Variants in RUFY1 observed in about 807,000 individuals in gnomAD.
RUFY1 encodes RUN and FYVE domain-containing protein 1.
RUFY1 carries 54 observed loss-of-function variants against 94.6 expected under a neutral mutation model. The ratio of observed to expected loss-of-function variants is 0.57; its 90% CI spans 0.46 to 0.72. The LOEUF (loss-of-function observed/expected upper bound fraction) is 0.72. RUFY1 is among the 30% of genes least tolerant of loss of function. The pLI is 0.00. For synonymous variants in RUFY1, 396 were observed against 347.3 expected (o/e 1.14, Z -1.56); for missense variants, 883 against 883.9 (o/e 1.00, Z 0.01).
intron 11 of RUFY1, among the ~76,000 whole-genome samples, chr5:179,594,016 C>G (rs113216028): frequency 2.0e-5 from 3 of 151,988 alleles, no homozygotes; most frequent in African/African-American, 7.2e-5. Flanking sequence ...TTAAAGACGT[C>G]ATTTAGAGCC....
intron 12 of RUFY1, among the ~76,000 whole-genome samples, chr5:179,595,520 G>C (rs1056768927): frequency 6.6e-5 from 10 of 151,698 alleles, no homozygotes; most frequent in Admixed American, 6.6e-5. Context: ...GGGCAGCTAC[G>C]GTTTCTTTTT....
Position 179,569,434 on chromosome 5 carries a change from A to G in RUFY1, c.828+9A>G, listed in dbSNP as rs11743261. 658,205 of 1,611,774 alleles carry G rather than the reference A, an allele frequency of 0.41. 138,769 individuals are homozygous for G. Among genetic ancestry groups the G allele is most frequent in the East Asian group, 0.71 (31,690 of 44,652 alleles). ...AAGACTTGGATTCTCAGGTAAAATG[A>G]AATTTTGGCTCTAGATGAACACTTT... is the stretch of plus-strand genomic sequence containing the variant. On this transcript the variant is annotated intron_variant, in intron 5 of 17. Coordinates refer to ENST00000319449, the MANE Select transcript of RUFY1 (RefSeq NM_025158.5).
intron 14 of RUFY1, among the ~76,000 whole-genome samples, chr5:179,599,892 G>A (rs1192927519): frequency 6.6e-6 from 1 of 152,238 alleles, no homozygotes; most frequent in Admixed American, 6.5e-5. Flanking sequence ...ACGTGGTAAT[G>A]GACACACTGC....
chr5:179,607,253 A>C (rs773539795), intron 16 of RUFY1: 58 of 355,788 alleles, frequency 1.6e-4, no homozygotes, highest in Non-Finnish European at 2.9e-4. Context: ...CAGGCACCAG[A>C]AGCTCGCTCT....
intron 17 of RUFY1, 105 bp from the exon 18 acceptor site, chr5:179,609,268 TAAG>T (rs1767468106): frequency 2.9e-6 from 3 of 1,021,562 alleles, no homozygotes; most frequent in African/African-American, 1.7e-5. Context: ...CACAGAAACA[TAAG>T]AACCCATTCC....
chr5:179,607,764 G>GTGACTGTGC (rs912451688), intron 17 of RUFY1, 105 bp downstream of exon 17: 21 of 969,440 alleles, frequency 2.2e-5, no homozygotes, highest in South Asian at 2.2e-4. Flanking sequence ...TCACTGCCCG[G>GTGACTGTGC]TGACTGTGCT....
chr5:179,550,855 A>G lies in RUFY1; in HGVS notation c.286A>G (p.Ser96Gly), dbSNP rs1026724155. 1 of 1,198,490 alleles carries G rather than the reference A, an allele frequency of 8.3e-7. No homozygotes were observed. The highest frequency in any genetic ancestry group is 1.0e-6 in the Non-Finnish European group (1 of 970,048). 74.2% of individuals were successfully genotyped at this position (1,198,490 alleles called of 1,614,324 possible). A position where few individuals can be genotyped will look rare whatever the true frequency, so the allele number is the denominator to read the frequency against. Residue 96 changes from serine to glycine, a missense_variant, in exon 1 of 18, where the codon AGC (serine) becomes GGC (glycine). Physicochemically the swap from Ser to Gly is moderately conservative, Grantham distance 56. Coordinates refer to ENST00000319449, the MANE Select transcript of RUFY1 (RefSeq NM_025158.5). ...RAAAGLGGGD[S>G]GDGTARAASK... ...GGCCGCGGGGCTGGGCGGCGGGGAC[A>G]GCGGGGACGGCACGGCGCGCGCAGG... is the stretch of plus-strand genomic sequence containing the variant.
At chr5:179,574,147 A>G (rs375179406) in intron 5 of RUFY1, among the ~76,000 whole-genome samples, 36 of 152,180 alleles carry the variant, frequency 2.4e-4, no homozygotes, top group African/African-American at 8.4e-4. Context: ...TCACACTCCC[A>G]GCACTTTGGG....
chr5:179,551,019 G>C (rs867846717), intron 1 of RUFY1, 140 bp downstream of exon 1: 3 of 721,906 alleles, frequency 4.2e-6, no homozygotes, highest in Non-Finnish European at 5.1e-6. Context: ...GGCGGCGCCT[G>C]GCTGCGCCTG....
Position 179,558,464 on chromosome 5 carries a change from C to T in RUFY1, c.311-1561C>T, listed in dbSNP as rs570037719. Among the ~76,000 whole-genome samples the T allele has an allele frequency of 8.6e-5, 13 of 151,772 alleles. 1 individual carries two copies. The South Asian group carries it at 2.7e-3, about 31-fold the overall frequency. On this transcript the variant is annotated intron_variant, in intron 1 of 17. Transcript: ENST00000319449. ...GCGCATGCCTGTAATCCCAGCTACT[C>T]GGGAGTCTGAAACAAGAGAATTGCT...
At chr5:179,555,988 G>T (rs1293984811) in intron 1 of RUFY1, among the ~76,000 whole-genome samples, 1 of 151,780 alleles carries the variant, frequency 6.6e-6, no homozygotes, top group Non-Finnish European at 1.5e-5. Flanking sequence ...ATGAGACACT[G>T]CTCCCAGCCG....
chr5:179,572,891 C>A (rs1481760759), intron 5 of RUFY1: 2 of 152,180 alleles, frequency 1.3e-5, no homozygotes, highest in Non-Finnish European at 2.9e-5. Flanking sequence ...TTTTTACACA[C>A]TTTATGTGTA....
intron 1 of RUFY1, among the ~76,000 whole-genome samples, chr5:179,554,219 G>A (rs1201760788): frequency 2.0e-5 from 3 of 152,182 alleles, no homozygotes; most frequent in Non-Finnish European, 2.9e-5. Flanking sequence ...GAAATGCTGC[G>A]GAATATTTTG....
chr5:179,589,798 C>G lies in RUFY1; in HGVS notation c.1128+151C>G, dbSNP rs369880861. 30 of 674,766 alleles carry G rather than the reference C, an allele frequency of 4.4e-5. No individual in the cohort carries two copies. The African/African-American group carries it at 4.9e-4, about 11-fold the overall frequency. 41.8% of individuals were successfully genotyped at this position (674,766 alleles called of 1,614,324 possible). A position where few individuals can be genotyped will look rare whatever the true frequency, so the allele number is the denominator to read the frequency against. ...AGGGCCTCTCACTGCGGTCCCTGCCCACATCACTCTCAGACCACCTGGATC... is the reference window on the plus strand; with the variant it reads ...AGGGCCTCTCACTGCGGTCCCTGCCGACATCACTCTCAGACCACCTGGATC... On this transcript the variant is annotated intron_variant, in intron 9 of 17. Coordinates refer to ENST00000319449, the MANE Select transcript of RUFY1 (RefSeq NM_025158.5).
chr5:179,586,209 C>G, intron 8 of RUFY1: 1 of 429,948 alleles, frequency 2.3e-6, no homozygotes, highest in Non-Finnish European at 4.5e-6. Context: ...TGCCTCCCTG[C>G]TGCCCCAGAA....
chr5:179,569,225 G>T (rs921136353), intron 4 of RUFY1, 77 bp from the exon 5 acceptor site: 2 of 1,606,924 alleles, frequency 1.2e-6, no homozygotes, highest in South Asian at 1.1e-5. Context: ...CAGGTGAAAA[G>T]GCAGTTCAGG....
intron 9 of RUFY1, 79 bp downstream of exon 9, chr5:179,589,726 C>A: frequency 9.1e-7 from 1 of 1,101,680 alleles, no homozygotes; most frequent in Non-Finnish European, 1.4e-6. Flanking sequence ...CATGGCTTAA[C>A]AACAACCCAG....
chr5:179,569,281 T>C (rs1398412487), intron 4 of RUFY1, 21 bp from the exon 5 acceptor site: 11 of 1,613,680 alleles, frequency 6.8e-6, no homozygotes, highest in African/African-American at 1.3e-5. Context: ...AGCATCGCCC[T>C]GTCCTGTCCA....
chr5:179,598,083 G>A (rs1302235798), intron 13 of RUFY1, among the ~76,000 whole-genome samples: 3 of 152,198 alleles, frequency 2.0e-5, no homozygotes, highest in Non-Finnish European at 4.4e-5. Flanking sequence ...CCAGCTACTA[G>A]GGAGGCTGAG....
Sources: allele counts gnomAD v4.1 joint callset (sites outside exome capture counted in the v4.1 genomes callset), GRCh38; gene constraint gnomAD v4.1.1; transcripts MANE v1.5; gene names NCBI Gene and HGNC (gene_info 2026-07-23, HGNC 2026-07-21).